ABRAXAS1: variants seen among roughly 807,000 people sequenced by gnomAD.
ABRAXAS1 encodes abraxas 1, BRCA1 A complex subunit.
Under a neutral mutation model 38.4 loss-of-function variants are expected in ABRAXAS1, and 26 were observed. The ratio of observed to expected loss-of-function variants is 0.68; its 90% CI spans 0.50 to 0.94. The LOEUF (loss-of-function observed/expected upper bound fraction) is 0.94. Among genes scored for constraint, ABRAXAS1 ranks in the 40% least tolerant of loss-of-function variants. ABRAXAS1 has a pLI of 0.00. For synonymous variants in ABRAXAS1, 144 were observed against 165.5 expected (o/e 0.87, Z 1.00); for missense variants, 438 against 481.9 (o/e 0.91, Z 0.85).
intron 3 of ABRAXAS1, among the ~76,000 whole-genome samples, chr4:83,475,233 T>C (rs1190153753): frequency 6.6e-6 from 1 of 152,200 alleles, no homozygotes; most frequent in African/African-American, 2.4e-5. Flanking sequence ...AATTCCTCAG[T>C]CATCTAACAA....
chr4:83,476,792 G>A, intron 2 of ABRAXAS1, 113 bp from the exon 3 acceptor site: 1 of 641,300 alleles, frequency 1.6e-6, no homozygotes. Context: ...CTGATTATCT[G>A]ATTTTTATCC....
At chr4:83,474,043 G>C (rs1213112150) in intron 3 of ABRAXAS1, among the ~76,000 whole-genome samples, 1 of 151,562 alleles carries the variant, frequency 6.6e-6, no homozygotes, top group Admixed American at 6.6e-5. Flanking sequence ...TCATGAGGCT[G>C]AGGTGGGAGA....
chr4:83,461,908 C>A lies in ABRAXAS1; in HGVS notation c.*561G>T. 1 of 229,184 alleles carries A rather than the reference C, an allele frequency of 4.4e-6. No individual in the cohort carries two copies. The highest frequency in any genetic ancestry group is 8.6e-6 in the Non-Finnish European group (1 of 115,636). The allele number at this position is 229,184 out of a possible 1,614,324, so 14.2% of individuals were successfully genotyped here. A position where few individuals can be genotyped will look rare whatever the true frequency, so the allele number is the denominator to read the frequency against. On this transcript the variant is annotated 3_prime_UTR_variant, in exon 9 of 9. Coordinates refer to ENST00000321945, the MANE Select transcript of ABRAXAS1 (RefSeq NM_139076.3). ...AATTTAAATTTTAGATGATGTTTTGCAAATTTATTGCATGATATCCAGCAT... is the reference window on the plus strand; with the variant it reads ...AATTTAAATTTTAGATGATGTTTTGAAAATTTATTGCATGATATCCAGCAT...
rs1332248651 is a variant in ABRAXAS1, at chr4:83,472,235, GATA to G, written c.266_268del (p.Leu89del). The G allele has an allele frequency of 1.3e-6, 2 of 1,522,284 alleles. No homozygotes were observed. The highest frequency in any genetic ancestry group is 2.5e-5 in the East Asian group (1 of 40,220). 94.3% of individuals were successfully genotyped at this position (1,522,284 alleles called of 1,614,324 possible). ...ATTAGAGAATACCTTTTTGACATTTGATAATATTTTCTTCAGTGCTTGCTCATT... is the reference window on the plus strand; with the variant it reads ...ATTAGAGAATACCTTTTTGACATTTGATATTTTCTTCAGTGCTTGCTCATT... On this transcript the variant is annotated inframe_deletion, in exon 4 of 9. Coordinates refer to ENST00000321945, the MANE Select transcript of ABRAXAS1 (RefSeq NM_139076.3).
Position 83,462,882 on chromosome 4 carries a change from C to G in ABRAXAS1, c.817G>C (p.Asp273His). The change falls in exon 9 of 9, where the codon GAC (aspartate) becomes CAC (histidine). Residue 273 changes from aspartate (D) to histidine (H), a missense_variant. Asp to His is a moderately conservative substitution (Grantham distance 81, BLOSUM62 -1). Around this residue, in one of 3 missense-constraint regions of ABRAXAS1, gnomAD observed 184 missense variants for 181.9 expected, o/e 1.01. Coordinates refer to ENST00000321945, the MANE Select transcript of ABRAXAS1 (RefSeq NM_139076.3). ...CAAAGAAAAATGTTCTCCTGAGGGT[C>G]TTTTTGGATGTTCTTCTCTCCTAAA... ...QAAREKNIQK[D>H]PQENIFLCQA... is the part of the protein sequence containing the mutation. 4 of 1,582,428 alleles carry G rather than the reference C, an allele frequency of 2.5e-6. No individual in the cohort carries two copies. Among genetic ancestry groups the G allele is most frequent in the Non-Finnish European group, 2.6e-6 (3 of 1,167,324 alleles).
intron 7 of ABRAXAS1, among the ~76,000 whole-genome samples, chr4:83,465,094 G>A (rs75876418): frequency 0.1 from 15,365 of 151,936 alleles, 894 homozygotes; most frequent in African/African-American, 0.14. Flanking sequence ...TCTTGGGTTC[G>A]AGACCAACCT....
At position 83,470,187 on chromosome 4, in the gene ABRAXAS1, A is replaced by G. The variant is rs1026347426; in HGVS notation, c.476+16T>C. 1.3e-6 allele frequency: 2 copies of G among 1,591,024 alleles called. No homozygotes were observed. The highest frequency in any genetic ancestry group is 1.7e-6 in the Non-Finnish European group (2 of 1,166,918). ...TTCTATTAGTTTAATACAGCCAGTG[A>G]CTGGCCAACATTTACCCTTTTTGAG... On this transcript the variant is annotated intron_variant, in intron 5 of 8. Coordinates refer to ENST00000321945, the MANE Select transcript of ABRAXAS1 (RefSeq NM_139076.3).
chr4:83,467,322 C>T lies in ABRAXAS1; in HGVS notation c.681+132G>A, dbSNP rs56271349. On this transcript the variant is annotated intron_variant, in intron 7 of 8. Coordinates refer to ENST00000321945, the MANE Select transcript of ABRAXAS1 (RefSeq NM_139076.3). ...CTAATGACACATTTCTCAGAAGGTA[C>T]ATAGCCTTCATTAAGCAACTCATAA... is the stretch of plus-strand genomic sequence containing the variant. The T allele has an allele frequency of 0.13, 81,858 of 613,278 alleles. 11,635 individuals are homozygous for T. Among genetic ancestry groups the T allele is most frequent in the African/African-American group, 0.57 (29,846 of 52,440 alleles). The allele number at this position is 613,278 out of a possible 1,614,324, so 38.0% of individuals were successfully genotyped here. A position where few individuals can be genotyped will look rare whatever the true frequency, so the allele number is the denominator to read the frequency against.
intron 7 of ABRAXAS1, chr4:83,463,858 T>G (rs1426254098): frequency 3.9e-6 from 1 of 254,444 alleles, no homozygotes; most frequent in East Asian, 7.0e-5. Context: ...TCATGCCAGT[T>G]AGTTCGCTGA....
intron 2 of ABRAXAS1, chr4:83,478,411 G>A (rs1373187880): frequency 5.7e-6 from 3 of 523,522 alleles, no homozygotes; most frequent in Admixed American, 2.2e-5. Context: ...TAGCTCAAGA[G>A]GCTTTAAATC....
chr4:83,469,035 T>C lies in ABRAXAS1; in HGVS notation c.593A>G (p.His198Arg), dbSNP rs1722484843. The change falls in exon 6 of 9, where the codon CAC (histidine) becomes CGC (arginine). Residue 198 changes from histidine to arginine, a missense_variant. Transcript: ENST00000321945. ...TGAGAAAGCAGTTGAATCTTACCTG[T>C]GTGTTTGTACTGCTCGGCTAAAACC... is the stretch of plus-strand genomic sequence containing the variant. The part of the protein sequence containing the change: ...STGFSRAVQT[H>R]SSKFFEEDGS... 3 of 1,611,652 alleles carry C rather than the reference T, an allele frequency of 1.9e-6. No individual in the cohort carries two copies. The African/African-American group carries it at 4.0e-5, about 21-fold the overall frequency.
chr4:83,484,201 A>T, intron 1 of ABRAXAS1: 8 of 985,144 alleles, frequency 8.1e-6, no homozygotes, highest in Non-Finnish European at 9.6e-6. Context: ...AATAGACGTT[A>T]TATCTTAAAA....
rs530930510 is a variant in ABRAXAS1, at chr4:83,480,598, C to A, written c.178+1556G>T. ...CAGTATGAGTACAAACTGATATAAT[C>A]TTTCCGGAAAGCAATCTGCTAATGC... On this transcript the variant is annotated intron_variant, in intron 2 of 8. Transcript: ENST00000321945. Among the ~76,000 whole-genome samples, 385 of 152,294 alleles carry A rather than the reference C, an allele frequency of 2.5e-3. 1 individual carries two copies. The highest frequency in any genetic ancestry group is 4.4e-3 in the Non-Finnish European group (300 of 68,020).
chr4:83,484,136 G>A (rs912222058), intron 1 of ABRAXAS1: 55 of 964,560 alleles, frequency 5.7e-5, no homozygotes, highest in Non-Finnish European at 1.1e-5. Context: ...CCAAAGGGCT[G>A]GAATTACAGG....
At chr4:83,467,354 AAATCT>A (rs1722405107) in intron 7 of ABRAXAS1, 95 bp downstream of exon 7, 1 of 737,932 alleles carries the variant, frequency 1.4e-6, no homozygotes, top group Non-Finnish European at 2.4e-6. Context: ...ATAACTGTAT[AAATCT>A]AATCAAGATG....
Position 83,460,970 on chromosome 4 carries a change from C to T in ABRAXAS1, c.*1499G>A. 1.9e-6 allele frequency: 3 copies of T among 1,593,816 alleles called. No individual in the cohort carries two copies. In the South Asian group the frequency reaches 3.5e-5, roughly 18 times the overall value. ...ATGAATAAGAAAGCTTTTTATTTTACAGGTCTTTGTGGGAAGAAACAGAAA... is the reference window on the plus strand; with the variant it reads ...ATGAATAAGAAAGCTTTTTATTTTATAGGTCTTTGTGGGAAGAAACAGAAA... On this transcript the variant is annotated 3_prime_UTR_variant, in exon 9 of 9. Transcript: ENST00000321945.
intron 5 of ABRAXAS1, 127 bp downstream of exon 5, chr4:83,470,076 T>C: frequency 1.5e-6 from 1 of 646,182 alleles, no homozygotes; most frequent in Non-Finnish European, 2.5e-6. Flanking sequence ...TAAGATCTAC[T>C]TCTGAAGGTT....
At chr4:83,480,451 C>A in intron 2 of ABRAXAS1, 2 of 283,726 alleles carry the variant, frequency 7.0e-6, no homozygotes, top group South Asian at 2.7e-5. Context: ...ATATTGCAAG[C>A]TAGTAAGAAT....
intron 2 of ABRAXAS1, chr4:83,480,491 C>A: frequency 1.4e-5 from 3 of 216,628 alleles, no homozygotes; most frequent in South Asian, 4.7e-5. Flanking sequence ...ACTAAGGAAA[C>A]TAATGAGAGT....
Sources: gnomAD v4.1 joint callset for allele counts (sites outside exome capture counted in the v4.1 genomes callset) on GRCh38, gnomAD v4.1.1 for gene constraint, gnomAD v4.1.1 regional missense constraint, MANE v1.5 for transcripts, NCBI Gene and HGNC (gene_info 2026-07-23, HGNC 2026-07-21) for gene names.